Variants in NT5C1B observed in about 807,000 individuals in gnomAD.
The protein encoded by NT5C1B is 5'-nucleotidase, cytosolic IB, also known as cytosolic 5'-nucleotidase 1B.
NT5C1B carries 44 observed loss-of-function variants against 57.8 expected under a neutral mutation model. The observed-to-expected ratio is 0.76, with a 90% CI of 0.60 to 0.98. NT5C1B has a LOEUF of 0.98. Ranked by LOEUF, NT5C1B falls within the 50% of genes least tolerant of loss-of-function variation. The probability of loss-of-function intolerance (pLI) is 0.00; values close to 1 mark genes in which losing one functional copy is unlikely to be tolerated. For missense variants in NT5C1B, 742 were observed against 719.5 expected, an observed-to-expected ratio of 1.03 and a Z score of -0.36; for synonymous variants, 284 against 282.6, an observed-to-expected ratio of 1.00 and a Z score of -0.05.
chr2:18,572,412 A>T (rs1028499727), intron 8 of NT5C1B, among the ~76,000 whole-genome samples: 1 of 152,236 alleles, frequency 6.6e-6, no homozygotes, highest in Non-Finnish European at 1.5e-5. Flanking sequence ...ATGACATTAA[A>T]AGCACAATTT....
At chr2:18,581,044 G>T (rs1666138400) in intron 6 of NT5C1B, among the ~76,000 whole-genome samples, 1 of 152,148 alleles carries the variant, frequency 6.6e-6, no homozygotes, top group African/African-American at 2.4e-5. Flanking sequence ...CATGACATGT[G>T]ATTTAGCCAT....
rs1339266135 is a variant in NT5C1B, at chr2:18,575,201, A to C, written c.1329+983T>G. 2.4e-4 allele frequency among the ~76,000 whole-genome samples: 36 copies of C among 152,080 alleles called. 2 individuals carry two copies. The highest frequency in any genetic ancestry group is 2.9e-5 in the Non-Finnish European group (2 of 67,954). On this transcript the variant is annotated intron_variant, in intron 8 of 8. Coordinates refer to ENST00000304081, the Ensembl canonical transcript of NT5C1B. The stretch of plus-strand genomic sequence containing the variant: ...CTGAATTTCAGCAGAGTAGACTGAT[A>C]TAAAATATAACAAAGAATTTTCTTA...
At chr2:18,578,739 A>G (rs1665925254) in intron 6 of NT5C1B, among the ~76,000 whole-genome samples, 1 of 152,192 alleles carries the variant, frequency 6.6e-6, no homozygotes, top group East Asian at 1.9e-4. Context: ...CTGCAATCAG[A>G]CAAGGATGCC....
At chr2:18,574,238 T>A (rs1056578800) in intron 8 of NT5C1B, among the ~76,000 whole-genome samples, 1 of 152,036 alleles carries the variant, frequency 6.6e-6, no homozygotes, top group African/African-American at 2.4e-5. Context: ...ACATTAATCA[T>A]CAGAGAAATC....
rs1666472010 is a variant in NT5C1B at position 18,584,347 on chromosome 2, C to T, written c.724-92G>A. 1.3e-6 allele frequency: 2 copies of T among 1,555,132 alleles called. No homozygotes were observed. Among genetic ancestry groups the T allele is most frequent in the South Asian group, 1.2e-5 (1 of 81,304 alleles). Reference sequence around the variant, plus strand: ...CCAGGGTAGGGTGAGAGTAGGACAGCGGGCCCCTGCTTGGAGAAGCGGGAT... The same window carrying T: ...CCAGGGTAGGGTGAGAGTAGGACAGTGGGCCCCTGCTTGGAGAAGCGGGAT... On this transcript the variant is annotated intron_variant, in intron 4 of 8. Transcript: ENST00000304081. The surrounding 1 kb of genome is among the most constrained non-coding windows in gnomAD (Gnocchi z 5.8).
chr2:18,566,052 A>G (rs1334805338), intron 8 of NT5C1B, among the ~76,000 whole-genome samples: 2 of 152,176 alleles, frequency 1.3e-5, no homozygotes, highest in Non-Finnish European at 2.9e-5. Flanking sequence ...TCTTGCTTTA[A>G]GTCTTTAAAA....
chr2:18,586,706 C>T (rs1666742027), intron 2 of NT5C1B: 5 of 577,714 alleles, frequency 8.7e-6, no homozygotes, highest in Non-Finnish European at 1.5e-5. Context: ...CCCTTTTCCT[C>T]ACTTCTTCCC....
At chr2:18,564,727 A>T (rs923125497) in intron 8 of NT5C1B, among the ~76,000 whole-genome samples, 1 of 152,144 alleles carries the variant, frequency 6.6e-6, no homozygotes, top group Non-Finnish European at 1.5e-5. Context: ...ACATTTATTC[A>T]TATTACAAAC....
At chr2:18,564,036 G>C in exon 9 of NT5C1B, 1 of 1,613,276 alleles carries the variant, frequency 6.2e-7, no homozygotes. Flanking sequence ...GGTAGGTCCT[G>C]ATAGGACAAA....
intron 1 of NT5C1B, among the ~76,000 whole-genome samples, chr2:18,588,745 G>A (rs1034471088): frequency 2.6e-5 from 4 of 151,952 alleles, no homozygotes; most frequent in African/African-American, 4.8e-5. Context: ...TCTGTCCACC[G>A]TATTTATTTA....
At chr2:18,579,678 C>T (rs1267733904) in intron 6 of NT5C1B, among the ~76,000 whole-genome samples, 1 of 151,800 alleles carries the variant, frequency 6.6e-6, no homozygotes, top group Non-Finnish European at 1.5e-5. Context: ...ACTCAAAGCC[C>T]AAGCCCTAGA....
At chr2:18,583,308 A>G (rs576051636) in intron 5 of NT5C1B, 51 of 195,676 alleles carry the variant, frequency 2.6e-4, no homozygotes, top group African/African-American at 1.2e-3. Context: ...TGCTTTGTCT[A>G]TGTTTGATTT....
intron 8 of NT5C1B, among the ~76,000 whole-genome samples, chr2:18,573,802 C>G (rs1665424432): frequency 6.6e-6 from 1 of 152,064 alleles, no homozygotes; most frequent in South Asian, 2.1e-4. Context: ...GGAAAATCAT[C>G]TTTTTCATGT....
At position 18,586,926 on chromosome 2, in the gene NT5C1B, C is replaced by A. The variant is rs748240530; in HGVS notation, c.121-535G>T. 1.3e-4 allele frequency: 202 copies of A among 1,610,764 alleles called. 1 individual carries two copies. In the African/African-American group the frequency reaches 1.5e-3, roughly 12 times the overall value. On this transcript the variant is annotated intron_variant, in intron 2 of 8. Transcript: ENST00000304081. ...GCAAAGTAAAAGAGTTTCTATTTGC[C>A]ATATTCTTCCCCTCACCCAGGTTGT...
intron 6 of NT5C1B, 122 bp downstream of exon 6, chr2:18,582,746 C>T (rs188819706): frequency 3.3e-5 from 46 of 1,399,528 alleles, no homozygotes; most frequent in African/African-American, 3.0e-4. Context: ...ACATTCCTGG[C>T]GCAGAAGGGG....
chr2:18,587,742 C>A, intron 1 of NT5C1B, 150 bp from the exon 2 acceptor site: 1 of 741,392 alleles, frequency 1.3e-6, no homozygotes, highest in Non-Finnish European at 2.0e-6. Context: ...TTCCCCTGTT[C>A]TAACAAGCAT....
At chr2:18,573,819 AT>A (rs1665428188) in intron 8 of NT5C1B, among the ~76,000 whole-genome samples, 1 of 152,168 alleles carries the variant, frequency 6.6e-6, no homozygotes, top group African/African-American at 2.4e-5. Context: ...ATGTAAAAAA[AT>A]GGCATGTTTT....
At position 18,584,654 on chromosome 2, in the gene NT5C1B, C is replaced by CG; in HGVS notation, c.582dup (p.Ala195ArgfsTer89). On this transcript the variant is annotated frameshift_variant, in exon 4 of 9. Coordinates refer to ENST00000304081, the Ensembl canonical transcript of NT5C1B. LOFTEE classifies it high-confidence loss of function. This position sits in a 1 kb window ranked among gnomAD's most constrained non-coding sequence, Gnocchi z 5.8. Reference sequence around the variant, plus strand: ...GAGTTGCGGTCCAGCTGGGTGGAGGCGGGGTAGATCCCCCTGCGCTGGCTG... The same window carrying CG: ...GAGTTGCGGTCCAGCTGGGTGGAGGCGGGGGTAGATCCCCCTGCGCTGGCTG... The CG allele has an allele frequency of 6.2e-7, 1 of 1,612,790 alleles. No individual in the cohort carries two copies. Among genetic ancestry groups the CG allele is most frequent in the Non-Finnish European group, 8.5e-7 (1 of 1,179,474 alleles).
intron 3 of NT5C1B, among the ~76,000 whole-genome samples, chr2:18,585,483 C>A (rs1407116534): frequency 6.6e-6 from 1 of 152,156 alleles, no homozygotes; most frequent in Non-Finnish European, 1.5e-5. Context: ...TCCCCGCTCC[C>A]CATGTGAATG....
Sources: allele counts gnomAD v4.1 joint callset (sites outside exome capture counted in the v4.1 genomes callset), GRCh38; gene constraint gnomAD v4.1.1; non-coding constraint Gnocchi (gnomAD v3.1); transcripts MANE v1.5; gene names NCBI Gene and HGNC (gene_info 2026-07-23, HGNC 2026-07-21).